The following BIN1 variants were observed in gnomAD, a reference collection of about 807,000 sequenced individuals.
The protein encoded by BIN1 is myc box-dependent-interacting protein 1.
In BIN1, 53 loss-of-function variants were observed where a neutral mutation model predicts 82.0. The observed-to-expected ratio is 0.65, with a 90% CI of 0.52 to 0.81. The LOEUF is 0.81. Among genes scored for constraint, BIN1 ranks in the 40% least tolerant of loss-of-function variants. The pLI, the probability that BIN1 is intolerant of heterozygous loss-of-function variation, is 0.00. For missense variants in BIN1, 642 were observed against 784.4 expected, an observed-to-expected ratio of 0.82 and a Z score of 2.17; for synonymous variants, 302 against 328.0, an observed-to-expected ratio of 0.92 and a Z score of 0.86.
At chr2:127,062,293 C>A in intron 9 of BIN1, 96 bp from the exon 10 acceptor site, 1 of 1,228,860 alleles carries the variant, frequency 8.1e-7, no homozygotes, top group South Asian at 1.3e-5. Context: ...CACCCCCAGC[C>A]CCTGCCAGGA....
intron 8 of BIN1, 82 bp from the exon 9 acceptor site, chr2:127,063,728 A>C: frequency 6.7e-7 from 1 of 1,484,338 alleles, no homozygotes; most frequent in Non-Finnish European, 9.3e-7. Flanking sequence ...ACGAGCGACC[A>C]CACACGCTCA....
intron 15 of BIN1, among the ~76,000 whole-genome samples, 171 bp downstream of exon 15, chr2:127,052,084 G>A (rs914614863): frequency 1.3e-5 from 2 of 152,240 alleles, no homozygotes; most frequent in African/African-American, 4.8e-5. Context: ...CTCATCCCTG[G>A]CAGCCTTGGT....
At chr2:127,050,691 T>C (rs1682807036) in intron 17 of BIN1, 111 bp downstream of exon 17, 7 of 1,374,098 alleles carry the variant, frequency 5.1e-6, no homozygotes, top group Non-Finnish European at 7.2e-6. Flanking sequence ...GGGAGTGACC[T>C]AGTAGCGCCT....
chr2:127,062,048 T>C lies in BIN1; in HGVS notation c.857+67A>G, dbSNP rs533303530. The C allele has an allele frequency of 3.4e-4, 517 of 1,528,974 alleles. 2 individuals are homozygous for C. In the African/African-American group the frequency reaches 5.9e-3, roughly 18 times the overall value. 94.7% of individuals were successfully genotyped at this position (1,528,974 alleles called of 1,614,324 possible). On this transcript the variant is annotated intron_variant, in intron 10 of 18. Transcript: ENST00000316724. ...GGGACCAGGGAGGGCACCAACAGGG[T>C]CACAGGAAGGAGCCCTGCCCCTGCC... is the stretch of plus-strand genomic sequence containing the variant.
intron 1 of BIN1, chr2:127,081,690 C>T: frequency 1.1e-6 from 1 of 928,942 alleles, no homozygotes; most frequent in East Asian, 9.3e-5. Context: ...GCCAGCGGCA[C>T]CCCTCGTCCC....
chr2:127,101,836 C>G (rs577493749), intron 1 of BIN1, among the ~76,000 whole-genome samples: 1 of 152,232 alleles, frequency 6.6e-6, no homozygotes, highest in East Asian at 1.9e-4. Context: ...CTCACTGCCC[C>G]GGGTCTGTGA....
chr2:127,091,879 G>C (rs550291508), intron 1 of BIN1, among the ~76,000 whole-genome samples: 4 of 152,232 alleles, frequency 2.6e-5, no homozygotes, highest in South Asian at 2.1e-4. Context: ...CTGGGTAACA[G>C]AGCAAGACCC....
At chr2:127,073,622 C>A (rs1175278113) in intron 2 of BIN1, among the ~76,000 whole-genome samples, 1 of 152,138 alleles carries the variant, frequency 6.6e-6, no homozygotes, top group South Asian at 2.1e-4. Flanking sequence ...CCTACGTGGA[C>A]CCCCTCTGGC....
At chr2:127,052,149 C>T (rs187414104) in intron 15 of BIN1, 106 bp downstream of exon 15, 1 of 1,183,100 alleles carries the variant, frequency 8.5e-7, no homozygotes, top group East Asian at 2.5e-5. Context: ...CCCTCACATC[C>T]ATGGTGGCCT....
chr2:127,084,652 C>T (rs1677897787), intron 1 of BIN1, among the ~76,000 whole-genome samples: 2 of 152,200 alleles, frequency 1.3e-5, no homozygotes, highest in Non-Finnish European at 2.9e-5. Context: ...GGAAAGGCTG[C>T]GGCACTGAAG....
chr2:127,103,090 G>A (rs1680562099), intron 1 of BIN1, among the ~76,000 whole-genome samples: 1 of 152,162 alleles, frequency 6.6e-6, no homozygotes, highest in Non-Finnish European at 1.5e-5. Flanking sequence ...CCAAGGTGAG[G>A]AGACCAGGGC....
In BIN1 at chr2:127,053,058, C is replaced by T. The variant is rs1683166516; in HGVS notation, c.1263+364G>A. 5 of 372,066 alleles carry T rather than the reference C, an allele frequency of 1.3e-5. 1 individual carries two copies. Among genetic ancestry groups the T allele is most frequent in the South Asian group, 5.3e-5 (2 of 37,446 alleles). The allele number at this position is 372,066 out of a possible 1,614,324, so 23.0% of individuals were successfully genotyped here. ...AAAGCTCAGAGAAGGCAAGAACCTT[C>T]TACCCTGAGGCCCTCCTGCCCCACA... On this transcript the variant is annotated intron_variant, in intron 14 of 18. Transcript: ENST00000316724.
At chr2:127,106,649 G>A (rs1681169654) in intron 1 of BIN1, among the ~76,000 whole-genome samples, 1 of 152,018 alleles carries the variant, frequency 6.6e-6, no homozygotes, top group African/African-American at 2.4e-5. Flanking sequence ...GCCGGGTGTG[G>A]GGAGACAGAG....
intron 1 of BIN1, among the ~76,000 whole-genome samples, chr2:127,081,422 C>T (rs1558856767): frequency 6.6e-6 from 1 of 152,226 alleles, no homozygotes; most frequent in Non-Finnish European, 1.5e-5. Context: ...GCTCACCCGG[C>T]TGGGCCCCAG....
intron 15 of BIN1, among the ~76,000 whole-genome samples, chr2:127,051,471 G>A (rs1204093801): frequency 2.0e-5 from 3 of 152,108 alleles, no homozygotes; most frequent in African/African-American, 7.2e-5. Context: ...GCAGGCCCAG[G>A]GATGTGAGTG....
At chr2:127,080,726 G>A (rs764329165) in intron 1 of BIN1, among the ~76,000 whole-genome samples, 6 of 152,196 alleles carry the variant, frequency 3.9e-5, no homozygotes, top group Non-Finnish European at 7.4e-5. Flanking sequence ...CCAGATGTGA[G>A]TGGAGCTGAA....
chr2:127,068,290 G>A lies in BIN1; in HGVS notation c.520-35C>T. ...GGAGGTCAAGGCAAAGGAAGGTGGA[G>A]AGACCAGGGAGGTGGGGAGAGAGAA... On this transcript the variant is annotated intron_variant, in intron 6 of 18. Transcript: ENST00000316724. This position sits in a 1 kb window ranked among gnomAD's most constrained non-coding sequence, Gnocchi z 4.9. 1 of 1,551,714 alleles carries A rather than the reference G, an allele frequency of 6.4e-7. No homozygotes were observed.
In BIN1 at chr2:127,057,112, C is replaced by G. The variant is rs1558806059; in HGVS notation, c.1131+361G>C. ...CCAGGTGCTTCAGCCATTCCAGGAC[C>G]TTCCAACTCTCCCTGGCCCTGGAAG... On this transcript the variant is annotated intron_variant, in intron 12 of 18. Transcript: ENST00000316724. The surrounding 1 kb of genome is among the most constrained non-coding windows in gnomAD (Gnocchi z 5.0). Among the ~76,000 whole-genome samples, 1 of 152,226 alleles carries G rather than the reference C, an allele frequency of 6.6e-6. No individual in the cohort carries two copies. Among genetic ancestry groups the G allele is most frequent in the African/African-American group, 2.4e-5 (1 of 41,456 alleles).
intron 11 of BIN1, among the ~76,000 whole-genome samples, chr2:127,058,228 T>C (rs1021031788): frequency 3.9e-5 from 6 of 152,188 alleles, no homozygotes; most frequent in African/African-American, 1.2e-4. Flanking sequence ...TGACAGCGCC[T>C]GCTTCACAGG....
Sources: allele counts gnomAD v4.1 joint callset (sites outside exome capture counted in the v4.1 genomes callset), GRCh38; gene constraint gnomAD v4.1.1; non-coding constraint Gnocchi (gnomAD v3.1); transcripts MANE v1.5; gene names NCBI Gene and HGNC (gene_info 2026-07-23, HGNC 2026-07-21).